The following CEP192 variants were observed in gnomAD, a reference collection of about 807,000 sequenced individuals.
CEP192 encodes centrosomal protein of 192 kDa.
CEP192 carries 151 observed loss-of-function variants against 271.8 expected under a neutral mutation model. The observed-to-expected ratio is 0.56, with a 90% confidence interval of 0.49 to 0.64. CEP192 has a LOEUF of 0.64. CEP192 is among the 30% of genes least tolerant of loss of function. CEP192 has a pLI of 0.00. For synonymous variants in CEP192, 995 were observed against 1,076.5 expected, an observed-to-expected ratio of 0.92 and a Z score of 1.48; for missense variants, 2,910 against 3,020.5, an observed-to-expected ratio of 0.96 and a Z score of 0.86.
chr18:12,997,076 C>T (rs998037619), intron 1 of CEP192, among the ~76,000 whole-genome samples: 1 of 152,038 alleles, frequency 6.6e-6, no homozygotes, highest in Non-Finnish European at 1.5e-5. Flanking sequence ...GGAGGGCTTG[C>T]ACAGACAGAA....
Position 13,117,655 on chromosome 18 carries a change from G to A in CEP192, c.7475+12G>A, listed in dbSNP as rs762925973. 8.0e-5 allele frequency: 129 copies of A among 1,604,484 alleles called. No individual in the cohort carries two copies. The highest frequency in any genetic ancestry group is 2.0e-4 in the East Asian group (9 of 44,826). ...AAGTACTCTTTGAGGTAAGTTTATC[G>A]CAGATCACAGTGTTCTCATCAGCGA... On this transcript the variant is annotated intron_variant, in intron 44 of 44. Coordinates refer to ENST00000506447, the MANE Select transcript of CEP192 (RefSeq NM_032142.4).
chr18:13,005,903 G>A (rs1038325094), intron 3 of CEP192, among the ~76,000 whole-genome samples: 38 of 152,176 alleles, frequency 2.5e-4, no homozygotes, highest in Admixed American at 1.6e-3. Context: ...TGAAGATATT[G>A]CTACATTGTA....
chr18:13,071,759 AT>A (rs1286110211), intron 28 of CEP192, among the ~76,000 whole-genome samples: 1 of 151,990 alleles, frequency 6.6e-6, no homozygotes, highest in Admixed American at 6.6e-5. Flanking sequence ...GTACAGGTTT[AT>A]CTTTAAAAGT....
intron 36 of CEP192, among the ~76,000 whole-genome samples, chr18:13,097,194 G>A (rs1429308869): frequency 6.6e-6 from 1 of 152,174 alleles, no homozygotes; most frequent in Non-Finnish European, 1.5e-5. Context: ...TGGTAGAACA[G>A]GTTCCTCACA....
chr18:13,053,051 T>TA lies in CEP192; in HGVS notation c.3150_3151insA (p.Pro1051ThrfsTer7). 1 of 1,613,492 alleles carries TA rather than the reference T, an allele frequency of 6.2e-7. No homozygotes were observed. The highest frequency in any genetic ancestry group is 8.5e-7 in the Non-Finnish European group (1 of 1,179,566). ...ATGTGTCTGAACCAGAGAGCTCCTA[T>TA]CCTACCACAGCCACAGATGATGCCC... On this transcript the variant is annotated frameshift_variant, in exon 18 of 45. Coordinates refer to ENST00000506447, the MANE Select transcript of CEP192 (RefSeq NM_032142.4). LOFTEE classifies it high-confidence loss of function.
At position 13,105,089 on chromosome 18, in the gene CEP192, G is replaced by C; in HGVS notation, c.7047+10G>C. The C allele has an allele frequency of 6.3e-7, 1 of 1,591,908 alleles. No individual in the cohort carries two copies. Among genetic ancestry groups the C allele is most frequent in the Non-Finnish European group, 8.6e-7 (1 of 1,159,786 alleles). ...CCATGGGATCCAAAAAGTAGGTTTT[G>C]ATATTTTTTTCCATAGGAACATCAT... On this transcript the variant is annotated intron_variant, in intron 40 of 44. Transcript: ENST00000506447.
chr18:13,099,549 T>C lies in CEP192; in HGVS notation c.6631T>C (p.Leu2211=). 1.3e-6 allele frequency: 2 copies of C among 1,599,342 alleles called. No homozygotes were observed. Among genetic ancestry groups the C allele is most frequent in the Non-Finnish European group, 1.7e-6 (2 of 1,172,386 alleles). ...ACAGTCAATGTTCCCGTGGAGTGGT[T>C]TGATCTATATACACTGTGACGATGG... ...TKQSMFPWSG[L]IYIHCDDGQK... The change falls in exon 37 of 45, where the codon TTG becomes CTG. Residue 2211 remains leucine (L), a synonymous_variant. Transcript: ENST00000506447.
chr18:13,109,266 G>A (rs996383415), intron 40 of CEP192, among the ~76,000 whole-genome samples: 1 of 152,096 alleles, frequency 6.6e-6, no homozygotes, highest in Admixed American at 6.5e-5. Context: ...AGCTGAAGGC[G>A]ATTATCCTAA....
At chr18:13,062,215 A>G (rs578093994) in intron 21 of CEP192, among the ~76,000 whole-genome samples, 1 of 149,166 alleles carries the variant, frequency 6.7e-6, no homozygotes, top group Non-Finnish European at 1.5e-5. Context: ...GTGTTAAGCC[A>G]GTTAAAAGCT....
chr18:13,019,860 C>T lies in CEP192; in HGVS notation c.1050+654C>T, dbSNP rs531650930. ...TTTTTGAGACAGTCTCACTCTGTCACCCAGTGCAGTGGCGTGATCTCAGCT... is the reference window on the plus strand; with the variant it reads ...TTTTTGAGACAGTCTCACTCTGTCATCCAGTGCAGTGGCGTGATCTCAGCT... On this transcript the variant is annotated intron_variant, in intron 9 of 44. Coordinates refer to ENST00000506447, the MANE Select transcript of CEP192 (RefSeq NM_032142.4). 2.4e-4 allele frequency among the ~76,000 whole-genome samples: 37 copies of T among 151,598 alleles called. No homozygotes were observed. In the South Asian group the frequency reaches 6.9e-3, roughly 28 times the overall value.
At chr18:12,995,106 GGCTGGA>G (rs1363813422) in intron 1 of CEP192, among the ~76,000 whole-genome samples, 2 of 135,242 alleles carry the variant, frequency 1.5e-5, no homozygotes, top group Non-Finnish European at 3.0e-5. Flanking sequence ...CTGTCGCCCA[GGCTGGA>G]GTACAGTGGC....
intron 30 of CEP192, among the ~76,000 whole-genome samples, chr18:13,081,667 G>GAT: frequency 6.6e-6 from 1 of 151,930 alleles, no homozygotes; most frequent in Non-Finnish European, 1.5e-5. Flanking sequence ...AGTATTTCTT[G>GAT]CCTTCTGCTA....
intron 44 of CEP192, among the ~76,000 whole-genome samples, chr18:13,123,876 C>T (rs116548648): frequency 0.019 from 2,841 of 152,126 alleles, 82 homozygotes; most frequent in African/African-American, 0.064. Context: ...ATGAAAGTTT[C>T]CGGCCGGGCA....
At chr18:13,079,696 CA>C in intron 30 of CEP192, among the ~76,000 whole-genome samples, 1 of 152,182 alleles carries the variant, frequency 6.6e-6, no homozygotes, top group Non-Finnish European at 1.5e-5. Context: ...GTGTTTCAGT[CA>C]TGAAGTCCTT....
chr18:13,113,486 TC>T (rs1464268405), intron 40 of CEP192, 99 bp from the exon 41 acceptor site: 14 of 1,169,018 alleles, frequency 1.2e-5, no homozygotes, highest in Middle Eastern at 2.3e-4. Context: ...AAGCATTTGT[TC>T]CTTTAATTTT....
chr18:13,063,013 C>T (rs1205804771), intron 21 of CEP192, among the ~76,000 whole-genome samples: 2 of 152,186 alleles, frequency 1.3e-5, no homozygotes, highest in Non-Finnish European at 2.9e-5. Flanking sequence ...TTTCACTTAA[C>T]ATAATGATCT....
At chr18:13,121,797 A>C (rs1383750517) in intron 44 of CEP192, among the ~76,000 whole-genome samples, 1 of 152,214 alleles carries the variant, frequency 6.6e-6, no homozygotes, top group East Asian at 1.9e-4. Context: ...ATCCTGGCAG[A>C]CCCTGCATGT....
chr18:13,099,554 CTA>C lies in CEP192; in HGVS notation c.6641_6642del (p.Ile2214ThrfsTer3). The C allele has an allele frequency of 1.3e-6, 2 of 1,586,920 alleles. No homozygotes were observed. Among genetic ancestry groups the C allele is most frequent in the Non-Finnish European group, 1.7e-6 (2 of 1,165,950 alleles). On this transcript the variant is annotated frameshift_variant, in exon 37 of 45. Coordinates refer to ENST00000506447, the MANE Select transcript of CEP192 (RefSeq NM_032142.4). LOFTEE classifies it high-confidence loss of function. The part of the protein sequence containing the change: ...QSMFPWSGLI[Y>X]IHCDDGQKKI... ...CAATGTTCCCGTGGAGTGGTTTGAT[CTA>C]TATACACTGTGACGATGGACAGAAG...
chr18:13,011,815 A>C (rs2034376505), intron 4 of CEP192, among the ~76,000 whole-genome samples: 1 of 152,216 alleles, frequency 6.6e-6, no homozygotes, highest in South Asian at 2.1e-4. Context: ...GGCATGAGCC[A>C]CTGTGTCCGA....
Sources: gnomAD v4.1 joint callset for allele counts (sites outside exome capture counted in the v4.1 genomes callset) on GRCh38, gnomAD v4.1.1 for gene constraint, MANE v1.5 for transcripts, NCBI Gene and HGNC (gene_info 2026-07-23, HGNC 2026-07-21) for gene names.